Variants in CSMD1 observed in about 807,000 individuals in gnomAD.
The protein encoded by CSMD1 is CUB and Sushi multiple domains 1.
In CSMD1, 213 loss-of-function variants were observed where a neutral mutation model predicts 417.5. The ratio of observed to expected loss-of-function variants is 0.51; its 90% CI spans 0.46 to 0.57. The LOEUF (loss-of-function observed/expected upper bound fraction) is 0.57, where lower values mean the gene tolerates loss of function less well. Ranked by LOEUF, CSMD1 falls within the 20% of genes least tolerant of loss-of-function variation. CSMD1 has a pLI of 0.00. For missense variants in CSMD1, 6,923 were observed against 4,529.7 expected, an observed-to-expected ratio of 1.53 and a Z score of -15.17; for synonymous variants, 2,862 against 1,736.8, an observed-to-expected ratio of 1.65 and a Z score of -16.11.
chr8:3,243,904 A>G (rs1428288864), intron 26 of CSMD1, among the ~76,000 whole-genome samples: 1 of 152,154 alleles, frequency 6.6e-6, no homozygotes, highest in Non-Finnish European at 1.5e-5. Context: ...TGCATGAACT[A>G]CATACATGTT....
intron 1 of CSMD1, among the ~76,000 whole-genome samples, chr8:4,827,409 G>A (rs1799896670): frequency 6.6e-6 from 1 of 152,092 alleles, no homozygotes; most frequent in African/African-American, 2.4e-5. Flanking sequence ...AAGCTGTCTG[G>A]ATGAAGAGAA....
chr8:4,008,892 G>A (rs182059634), intron 4 of CSMD1, among the ~76,000 whole-genome samples: 1 of 152,004 alleles, frequency 6.6e-6, no homozygotes, highest in African/African-American at 2.4e-5. Context: ...TTACAGGCGT[G>A]AGCCACCGCG....
intron 5 of CSMD1, among the ~76,000 whole-genome samples, chr8:3,808,141 C>T (rs866817603): frequency 6.6e-6 from 1 of 152,130 alleles, no homozygotes; most frequent in Non-Finnish European, 1.5e-5. Flanking sequence ...TCTGTGAAAT[C>T]ATCTATAATC....
chr8:3,009,043 A>C (rs1441399076), intron 52 of CSMD1, among the ~76,000 whole-genome samples: 2 of 152,198 alleles, frequency 1.3e-5, no homozygotes. Context: ...GAAACCCCAT[A>C]TACCAGTGGG....
At chr8:4,661,561 C>G (rs1031654992) in intron 1 of CSMD1, among the ~76,000 whole-genome samples, 1 of 152,070 alleles carries the variant, frequency 6.6e-6, no homozygotes, top group Non-Finnish European at 1.5e-5. Context: ...TTCTGTATCT[C>G]CAATGTGTTC....
At chr8:3,518,358 A>T (rs1199291054) in intron 10 of CSMD1, among the ~76,000 whole-genome samples, 1 of 152,212 alleles carries the variant, frequency 6.6e-6, no homozygotes, top group African/African-American at 2.4e-5. Context: ...CCAACATCAT[A>T]TAAGAAACAA....
rs116240078 is a variant in CSMD1 at position 3,803,649 on chromosome 8, G to A, written c.819-49607C>T. Among the ~76,000 whole-genome samples the A allele has an allele frequency of 2.4e-3, 359 of 152,024 alleles. 4 individuals are homozygous for A. The highest frequency in any genetic ancestry group is 8.1e-3 in the African/African-American group (337 of 41,480). The stretch of plus-strand genomic sequence containing the variant: ...CATTTGAGCCTGGAAGGAGAGGAGG[G>A]TTCATAGAGGCCAGAGTGGCACCAC... On this transcript the variant is annotated intron_variant, in intron 5 of 69. Transcript: ENST00000635120.
intron 7 of CSMD1, among the ~76,000 whole-genome samples, chr8:3,658,279 A>G (rs1277251695): frequency 1.3e-5 from 2 of 152,044 alleles, no homozygotes; most frequent in Non-Finnish European, 2.9e-5. Flanking sequence ...TTTCTTATCA[A>G]TGATTGTATT....
At chr8:3,489,950 G>A (rs78282747) in intron 11 of CSMD1, among the ~76,000 whole-genome samples, 3 of 152,124 alleles carry the variant, frequency 2.0e-5, no homozygotes, top group Admixed American at 1.3e-4. Flanking sequence ...CTCTGACTTC[G>A]TATACTGACT....
At chr8:4,886,929 A>G (rs914006535) in intron 1 of CSMD1, among the ~76,000 whole-genome samples, 1 of 151,936 alleles carries the variant, frequency 6.6e-6, no homozygotes, top group Non-Finnish European at 1.5e-5. Context: ...TACATAACCA[A>G]CTTTTGATTT....
At chr8:3,942,367 G>T (rs1810941160) in intron 5 of CSMD1, among the ~76,000 whole-genome samples, 1 of 152,086 alleles carries the variant, frequency 6.6e-6, no homozygotes, top group African/African-American at 2.4e-5. Flanking sequence ...GTAGAGGACG[G>T]CTACCTTAAC....
intron 10 of CSMD1, among the ~76,000 whole-genome samples, chr8:3,521,063 A>G (rs1419082670): frequency 6.6e-6 from 1 of 152,090 alleles, no homozygotes. Flanking sequence ...CTCCAGTCAC[A>G]CACAACCTCT....
At chr8:4,541,248 T>A (rs1025882294) in intron 2 of CSMD1, among the ~76,000 whole-genome samples, 1 of 152,148 alleles carries the variant, frequency 6.6e-6, no homozygotes, top group Non-Finnish European at 1.5e-5. Flanking sequence ...TGACTTAGAG[T>A]GAGCCAGTTC....
intron 39 of CSMD1, among the ~76,000 whole-genome samples, chr8:3,156,258 C>G (rs1819523608): frequency 6.6e-6 from 1 of 152,096 alleles, no homozygotes; most frequent in African/African-American, 2.4e-5. Flanking sequence ...CTGAGCACAC[C>G]CCCAGCAATA....
intron 3 of CSMD1, among the ~76,000 whole-genome samples, chr8:4,115,021 C>A (rs1340528408): frequency 3.3e-5 from 5 of 152,136 alleles, no homozygotes; most frequent in African/African-American, 1.2e-4. Context: ...AATGCAGAAG[C>A]ATGGTTTGAA....
chr8:4,750,331 C>G (rs944587722), intron 1 of CSMD1, among the ~76,000 whole-genome samples: 1 of 152,098 alleles, frequency 6.6e-6, no homozygotes, highest in South Asian at 2.1e-4. Context: ...ACTCACCTCT[C>G]TAGAAACTGC....
intron 1 of CSMD1, among the ~76,000 whole-genome samples, chr8:4,903,804 G>C (rs78383323): frequency 0.025 from 3,869 of 152,256 alleles, 176 homozygotes; most frequent in African/African-American, 0.088. Context: ...CCTACTGTTA[G>C]CCTGGCTCTT....
chr8:4,683,003 T>C (rs939359214), intron 1 of CSMD1, among the ~76,000 whole-genome samples: 2 of 138,972 alleles, frequency 1.4e-5, no homozygotes, highest in African/African-American at 5.2e-5. Context: ...TAGTCACACA[T>C]AAACACATCC....
intron 3 of CSMD1, among the ~76,000 whole-genome samples, chr8:4,090,581 G>A (rs1189969101): frequency 6.6e-6 from 1 of 152,174 alleles, no homozygotes; most frequent in Non-Finnish European, 1.5e-5. Flanking sequence ...ATTTAGGTGT[G>A]CTCACCTGAC....
Sources: allele counts gnomAD v4.1 joint callset (sites outside exome capture counted in the v4.1 genomes callset), GRCh38; gene constraint gnomAD v4.1.1; transcripts MANE v1.5; gene names NCBI Gene and HGNC (gene_info 2026-07-23, HGNC 2026-07-21).